Variants in ADGRL3 observed in about 807,000 individuals in gnomAD.
ADGRL3 encodes adhesion G protein-coupled receptor L3.
Under a neutral mutation model 153.5 loss-of-function variants are expected in ADGRL3, and 62 were observed. The ratio of observed to expected loss-of-function variants is 0.40; its 90% CI spans 0.33 to 0.50. ADGRL3 has a LOEUF of 0.50. Ranked by LOEUF, ADGRL3 falls within the 20% of genes least tolerant of loss-of-function variation. The pLI is 0.47. For missense variants in ADGRL3, 1,641 were observed against 1,859.4 expected (o/e 0.88, Z 2.16); for synonymous variants, 710 against 672.5 (o/e 1.06, Z -0.86).
At chr4:61,462,147 A>C (rs1293414279) in intron 2 of ADGRL3, among the ~76,000 whole-genome samples, 1 of 152,194 alleles carries the variant, frequency 6.6e-6, no homozygotes, top group African/African-American at 2.4e-5. Flanking sequence ...AAGAAGAAAC[A>C]ATAACCCCAG....
intron 6 of ADGRL3, among the ~76,000 whole-genome samples, chr4:61,697,161 A>G (rs1312953512): frequency 1.3e-5 from 2 of 152,212 alleles, no homozygotes; most frequent in Non-Finnish European, 2.9e-5. Context: ...AAGAAATAAT[A>G]CAAATGTACA....
intron 20 of ADGRL3, 54 bp downstream of exon 20, chr4:61,996,411 C>G: frequency 1.6e-6 from 2 of 1,236,144 alleles, no homozygotes; most frequent in Non-Finnish European, 2.4e-6. Context: ...AAAACTTTCA[C>G]TATCCCAGTA....
intron 2 of ADGRL3, among the ~76,000 whole-genome samples, chr4:61,480,014 T>A (rs1000129880): frequency 3.9e-5 from 6 of 152,320 alleles, no homozygotes; most frequent in African/African-American, 1.2e-4. Flanking sequence ...TATTTTCTTT[T>A]CTTTTGATTT....
intron 8 of ADGRL3, among the ~76,000 whole-genome samples, chr4:61,746,102 G>A (rs1189229895): frequency 6.6e-6 from 1 of 152,088 alleles, no homozygotes. Context: ...AGATCAAAGA[G>A]ACAAAGAAGG....
At chr4:61,466,714 C>G (rs978125045) in intron 2 of ADGRL3, among the ~76,000 whole-genome samples, 2 of 152,112 alleles carry the variant, frequency 1.3e-5, no homozygotes, top group Non-Finnish European at 2.9e-5. Context: ...TGAATGAACA[C>G]CATCTTTCTG....
At chr4:61,718,133 G>A (rs1383599963) in intron 6 of ADGRL3, among the ~76,000 whole-genome samples, 1 of 152,048 alleles carries the variant, frequency 6.6e-6, no homozygotes, top group Non-Finnish European at 1.5e-5. Flanking sequence ...GGGTTTTGGT[G>A]GGGTTTTTTG....
intron 9 of ADGRL3, among the ~76,000 whole-genome samples, chr4:61,848,303 A>T (rs1280882629): frequency 6.6e-6 from 1 of 150,540 alleles, no homozygotes; most frequent in Non-Finnish European, 1.5e-5. Flanking sequence ...AAATCACAGC[A>T]TTGGTTGGGC....
chr4:61,445,034 A>G (rs1284749116), intron 2 of ADGRL3, among the ~76,000 whole-genome samples: 2 of 139,524 alleles, frequency 1.4e-5, no homozygotes, highest in African/African-American at 2.6e-5. Context: ...GCTGGGTGAA[A>G]GAGTGAGACC....
At chr4:61,820,025 T>A (rs891977135) in intron 9 of ADGRL3, among the ~76,000 whole-genome samples, 4 of 152,130 alleles carry the variant, frequency 2.6e-5, no homozygotes, top group Non-Finnish European at 4.4e-5. Flanking sequence ...GACTTTCACT[T>A]TCATATTTTT....
At chr4:61,842,115 A>G (rs1221258342) in intron 9 of ADGRL3, among the ~76,000 whole-genome samples, 1 of 152,238 alleles carries the variant, frequency 6.6e-6, no homozygotes, top group Non-Finnish European at 1.5e-5. Flanking sequence ...AAAAGGCACT[A>G]GTGAATAAAT....
At chr4:61,346,041 C>T (rs949717502) in intron 1 of ADGRL3, among the ~76,000 whole-genome samples, 5 of 152,110 alleles carry the variant, frequency 3.3e-5, no homozygotes, top group Admixed American at 1.3e-4. Context: ...TGCTCCTGCG[C>T]TCACGGCATG....
intron 1 of ADGRL3, among the ~76,000 whole-genome samples, chr4:61,231,537 T>C (rs185000621): frequency 3.9e-4 from 60 of 152,252 alleles, no homozygotes; most frequent in Admixed American, 2.0e-3. Flanking sequence ...CTCCATCCTT[T>C]CTTCTTCACC....
At chr4:61,403,611 A>G (rs1217270664) in intron 2 of ADGRL3, among the ~76,000 whole-genome samples, 2 of 152,072 alleles carry the variant, frequency 1.3e-5, no homozygotes, top group African/African-American at 4.8e-5. Context: ...TCAGTAATCA[A>G]CTGTGGAACA....
chr4:61,997,321 G>T (rs2099125187), intron 20 of ADGRL3, among the ~76,000 whole-genome samples: 1 of 150,778 alleles, frequency 6.6e-6, no homozygotes, highest in Admixed American at 6.6e-5. Flanking sequence ...TTCAAATTAG[G>T]TTTTCCCACC....
At chr4:61,238,816 T>TA (rs542869538) in intron 1 of ADGRL3, among the ~76,000 whole-genome samples, 344 of 152,274 alleles carry the variant, frequency 2.3e-3, no homozygotes, top group Non-Finnish European at 3.6e-3. Context: ...TTATTATAGT[T>TA]AAAAACACTA....
intron 18 of ADGRL3, among the ~76,000 whole-genome samples, chr4:61,980,306 ATT>A (rs756680977): frequency 6.2e-4 from 46 of 74,406 alleles, no homozygotes; most frequent in South Asian, 4.1e-3. Context: ...GTAACCACTA[ATT>A]TTTTTTTTTT....
intron 2 of ADGRL3, among the ~76,000 whole-genome samples, chr4:61,417,343 A>G (rs1268645420): frequency 1.3e-5 from 2 of 152,018 alleles, no homozygotes; most frequent in South Asian, 4.1e-4. Context: ...ATAATTAGCC[A>G]GTCATGGTGG....
chr4:61,412,106 G>GTTTGT lies in ADGRL3; in HGVS notation c.-174+28920_-174+28921insGTTTT, dbSNP rs1379520145. Among the ~76,000 whole-genome samples the GTTTGT allele has an allele frequency of 3.0e-4, 45 of 151,920 alleles. No individual in the cohort carries two copies. In the East Asian group the frequency reaches 8.3e-3, roughly 28 times the overall value. ...TTTGTTGTGGTCTTTTTGTTTGTTT[G>GTTTGT]TTTTTTGGAGACTCTGTTGTCCAGG... On this transcript the variant is annotated intron_variant, in intron 2 of 26. Transcript: ENST00000683033.
chr4:61,600,626 G>A (rs1315078109), intron 5 of ADGRL3, among the ~76,000 whole-genome samples: 3 of 152,086 alleles, frequency 2.0e-5, no homozygotes, highest in Non-Finnish European at 4.4e-5. Context: ...TTTTCCACAA[G>A]GATAGCACCA....
Sources: allele counts gnomAD v4.1 joint callset (sites outside exome capture counted in the v4.1 genomes callset), GRCh38; gene constraint gnomAD v4.1.1; transcripts MANE v1.5; gene names NCBI Gene and HGNC (gene_info 2026-07-23, HGNC 2026-07-21).